Variants in IL1R1 observed in about 807,000 individuals in gnomAD.
IL1R1 encodes interleukin-1 receptor type 1.
In IL1R1, 22 loss-of-function variants were observed where a neutral mutation model predicts 50.2. The ratio of observed to expected loss-of-function variants is 0.44; its 90% CI spans 0.31 to 0.63. The LOEUF is 0.63. Ranked by LOEUF, IL1R1 falls within the 20% of genes least tolerant of loss-of-function variation. IL1R1 has a pLI of 0.07. For synonymous variants in IL1R1, 251 were observed against 236.7 expected (o/e 1.06, Z -0.55); for missense variants, 509 against 676.2 (o/e 0.75, Z 2.74).
chr2:102,085,357 C>G (rs1679388884), intron 1 of IL1R1, among the ~76,000 whole-genome samples: 1 of 152,162 alleles, frequency 6.6e-6, no homozygotes, highest in African/African-American at 2.4e-5. Context: ...TTTTCACATT[C>G]AGATCTGCAG....
chr2:102,077,003 C>A (rs764605080), intron 1 of IL1R1, among the ~76,000 whole-genome samples: 1 of 151,928 alleles, frequency 6.6e-6, no homozygotes, highest in Non-Finnish European at 1.5e-5. Flanking sequence ...CTTTTCTCAC[C>A]GCTTAATTTT....
At chr2:102,165,451 G>T (rs3917289) in intron 5 of IL1R1, 147 bp downstream of exon 5, 34,195 of 449,708 alleles carry the variant, frequency 0.076, 1,679 homozygotes, top group African/African-American at 0.15. Context: ...AAAAAGAATT[G>T]TAAGACTGCA....
At position 102,160,040 on chromosome 2, in the gene IL1R1, C is replaced by A. The variant is rs140807411; in HGVS notation, c.61+2255C>A. 1.8e-4 allele frequency among the ~76,000 whole-genome samples: 27 copies of A among 152,138 alleles called. No individual in the cohort carries two copies. The East Asian group carries it at 4.7e-3, about 26-fold the overall frequency. On this transcript the variant is annotated intron_variant, in intron 3 of 11. Transcript: ENST00000410023. ...CTTTATGGAGGAATGATTTATGAGA[C>A]CCCCACTCCACCATATTGGAAATCT...
intron 1 of IL1R1, among the ~76,000 whole-genome samples, chr2:102,074,951 T>A (rs1678897483): frequency 6.6e-6 from 1 of 152,148 alleles, no homozygotes; most frequent in Non-Finnish European, 1.5e-5. Flanking sequence ...ACTCATTAAT[T>A]ATCTAACTCA....
At chr2:102,165,412 C>T (rs945159570) in intron 5 of IL1R1, 108 bp downstream of exon 5, 6 of 536,456 alleles carry the variant, frequency 1.1e-5, no homozygotes, top group African/African-American at 7.9e-5. Flanking sequence ...ATTGTTTTCT[C>T]TTTAATGGTG....
At chr2:102,130,984 C>T (rs1270394581) in intron 1 of IL1R1, among the ~76,000 whole-genome samples, 1 of 152,084 alleles carries the variant, frequency 6.6e-6, no homozygotes, top group African/African-American at 2.4e-5. Context: ...AGTTTCCAGG[C>T]CATGGCACAG....
At chr2:102,172,615 A>G (rs1685785350) in intron 8 of IL1R1, 72 bp from the exon 9 acceptor site, 2 of 1,263,088 alleles carry the variant, frequency 1.6e-6, no homozygotes, top group African/African-American at 1.5e-5. Flanking sequence ...GGAAATACAC[A>G]GGGTATACAG....
chr2:102,118,826 G>A (rs549296422), intron 1 of IL1R1, among the ~76,000 whole-genome samples: 1 of 152,076 alleles, frequency 6.6e-6, no homozygotes, highest in East Asian at 1.9e-4. Flanking sequence ...GACCATCCCG[G>A]CTAACATGGT....
intron 1 of IL1R1, among the ~76,000 whole-genome samples, chr2:102,128,233 C>T (rs917428025): frequency 1.3e-5 from 2 of 152,140 alleles, no homozygotes; most frequent in South Asian, 2.1e-4. Context: ...CCGAAAACTC[C>T]CTATTCCAAA....
chr2:102,123,708 G>T (rs1681529712), intron 1 of IL1R1, among the ~76,000 whole-genome samples: 1 of 152,022 alleles, frequency 6.6e-6, no homozygotes, highest in Non-Finnish European at 1.5e-5. Flanking sequence ...AGCCCTAGAG[G>T]TGGAGTTTGC....
In IL1R1 at chr2:102,153,056, T is replaced by C. The variant is rs76194130; in HGVS notation, c.-83-885T>C. Among the ~76,000 whole-genome samples the C allele has an allele frequency of 2.3e-3, 351 of 152,248 alleles. 1 individual carries two copies. The highest frequency in any genetic ancestry group is 6.8e-3 in the Middle Eastern group (2 of 294). ...AAACAGGTGAATTAATGGTGAAAGA[T>C]CTGTAGGACATAGCAGTAAGGCTAC... On this transcript the variant is annotated intron_variant, in intron 1 of 11. Coordinates refer to ENST00000410023, the MANE Select transcript of IL1R1 (RefSeq NM_000877.4).
At chr2:102,141,311 G>A (rs1217918871), upstream of IL1R1, among the ~76,000 whole-genome samples, 1 of 152,348 alleles carries the variant, frequency 6.6e-6, no homozygotes, top group African/African-American at 2.4e-5. Context: ...AGACTCTGAC[G>A]TGACTGATCT....
At chr2:102,104,923 T>C (rs1377325765) in intron 1 of IL1R1, 1 of 152,270 alleles carries the variant, frequency 6.6e-6, no homozygotes, top group African/African-American at 2.4e-5. Context: ...TTTTTTTCCC[T>C]CCTTTTTTTG....
At chr2:102,125,524 A>G (rs1050654338) in intron 1 of IL1R1, among the ~76,000 whole-genome samples, 1 of 152,200 alleles carries the variant, frequency 6.6e-6, no homozygotes, top group Non-Finnish European at 1.5e-5. Flanking sequence ...AGTCACATGT[A>G]GCAGTCAGGA....
chr2:102,169,465 A>G (rs1685485804), intron 7 of IL1R1, among the ~76,000 whole-genome samples: 1 of 152,248 alleles, frequency 6.6e-6, no homozygotes, highest in Admixed American at 6.5e-5. Context: ...ACAAGTGACT[A>G]CTGTACAGAC....
chr2:102,175,838 TTAAG>T (rs1451551633), intron 11 of IL1R1, 193 bp downstream of exon 11: 3 of 630,674 alleles, frequency 4.8e-6, no homozygotes, highest in Non-Finnish European at 8.4e-6. Flanking sequence ...AGAGCAATAA[TTAAG>T]TGATTTTCAT....
chr2:102,155,784 G>A (rs1684130207), intron 2 of IL1R1, among the ~76,000 whole-genome samples: 1 of 152,202 alleles, frequency 6.6e-6, no homozygotes. Flanking sequence ...TCTGACATCA[G>A]CTGGTTCATT....
upstream of IL1R1, among the ~76,000 whole-genome samples, chr2:102,101,133 G>A (rs1680122920): frequency 6.6e-6 from 1 of 152,200 alleles, no homozygotes; most frequent in Admixed American, 6.5e-5. Context: ...ATATAGATTT[G>A]AATTCAGTGG....
intron 1 of IL1R1, among the ~76,000 whole-genome samples, chr2:102,118,552 G>T (rs1365068054): frequency 6.6e-6 from 1 of 152,082 alleles, no homozygotes; most frequent in Admixed American, 6.6e-5. Flanking sequence ...TGAAATGGGG[G>T]GCAGTCTTGT....
Sources: gnomAD v4.1 joint callset for allele counts (sites outside exome capture counted in the v4.1 genomes callset) on GRCh38, gnomAD v4.1.1 for gene constraint, MANE v1.5 for transcripts, NCBI Gene and HGNC (gene_info 2026-07-23, HGNC 2026-07-21) for gene names.